The following ACHE variants were observed in gnomAD, a reference collection of about 807,000 sequenced individuals.
ACHE encodes the protein acetylcholinesterase.
In ACHE, 19 loss-of-function variants were observed where a neutral mutation model predicts 53.9. The ratio of observed to expected loss-of-function variants is 0.35; its 90% confidence interval spans 0.25 to 0.52. The LOEUF is 0.52. Ranked by LOEUF, ACHE falls within the 20% of genes least tolerant of loss-of-function variation. The pLI is 0.95. For missense variants in ACHE, 605 were observed against 849.4 expected (o/e 0.71, Z 3.58); for synonymous variants, 392 against 378.1 (o/e 1.04, Z -0.43).
intron 1 of ACHE, among the ~76,000 whole-genome samples, chr7:100,894,595 C>T (rs979203645): frequency 3.7e-5 from 4 of 109,474 alleles, no homozygotes; most frequent in Admixed American, 2.9e-4. Context: ...AGCCTCAGTC[C>T]ACGAACAGGC....
In ACHE at chr7:100,890,694, T is replaced by TC. The variant is rs1297651496; in HGVS notation, c.1724-360dup. On this transcript the variant is annotated intron_variant, in intron 4 of 4. Coordinates refer to ENST00000241069, the MANE Select transcript of ACHE (RefSeq NM_000665.5). The stretch of plus-strand genomic sequence containing the variant: ...GCTACCCCGTCCGGGGCCTCCCACT[T>TC]CCCCCCAATGTCAGGCTCAGGTTCC... 2.3e-6 allele frequency: 3 copies of TC among 1,316,012 alleles called. No individual in the cohort carries two copies. In the African/African-American group the frequency reaches 4.5e-5, roughly 20 times the overall value. 81.5% of individuals were successfully genotyped at this position (1,316,012 alleles called of 1,614,324 possible).
intron 4 of ACHE, 182 bp downstream of exon 4, chr7:100,890,984 AGAG>A (rs772244054): frequency 1.8e-5 from 27 of 1,460,748 alleles, no homozygotes; most frequent in African/African-American, 2.8e-5. Flanking sequence ...TGGGAGAGGA[AGAG>A]GAGGAGAAGC....
In ACHE at chr7:100,892,224, ATCCTGCCCCTG is replaced by A; in HGVS notation, c.1553+99_1553+109del. On this transcript the variant is annotated intron_variant, in intron 3 of 4. Coordinates refer to ENST00000241069, the MANE Select transcript of ACHE (RefSeq NM_000665.5). This position sits in a 1 kb window ranked among gnomAD's most constrained non-coding sequence, Gnocchi z 5.2. ...GAGCATATCCCTCTCTGGCTGTTCT[ATCCTGCCCCTG>A]TCCCACCCGTCCTTTCTGTCTCCGT... is the stretch of plus-strand genomic sequence containing the variant. 3 of 1,363,082 alleles carry A rather than the reference ATCCTGCCCCTG, an allele frequency of 2.2e-6. No individual in the cohort carries two copies. The highest frequency in any genetic ancestry group is 2.9e-6 in the Non-Finnish European group (3 of 1,041,206). 84.4% of individuals were successfully genotyped at this position (1,363,082 alleles called of 1,614,324 possible).
Position 100,891,675 on chromosome 7 carries a change from C to T in ACHE, c.1554-337G>A, listed in dbSNP as rs564416739. 3.3e-5 allele frequency among the ~76,000 whole-genome samples: 5 copies of T among 152,250 alleles called. No individual in the cohort carries two copies. In the South Asian group the frequency reaches 8.3e-4, roughly 25 times the overall value. ...CCATCCAATGCTAGATTTCATTGTC[C>T]TCTTCTCGATCCAGGTAAACTGGTG... On this transcript the variant is annotated intron_variant, in intron 3 of 4. Coordinates refer to ENST00000241069, the MANE Select transcript of ACHE (RefSeq NM_000665.5).
In ACHE at chr7:100,892,203, A is replaced by C; in HGVS notation, c.1553+131T>G. 2.6e-6 allele frequency: 3 copies of C among 1,165,436 alleles called. No individual in the cohort carries two copies. Among genetic ancestry groups the C allele is most frequent in the Non-Finnish European group, 2.2e-6 (2 of 891,836 alleles). 72.2% of individuals were successfully genotyped at this position (1,165,436 alleles called of 1,614,324 possible). Reference sequence around the variant, plus strand: ...CTCCCCTTTTATCTACTTTGTGAGCATATCCCTCTCTGGCTGTTCTATCCT... The same window carrying C: ...CTCCCCTTTTATCTACTTTGTGAGCCTATCCCTCTCTGGCTGTTCTATCCT... On this transcript the variant is annotated intron_variant, in intron 3 of 4. Coordinates refer to ENST00000241069, the MANE Select transcript of ACHE (RefSeq NM_000665.5). The surrounding 1 kb of genome is among the most constrained non-coding windows in gnomAD (Gnocchi z 5.2).
chr7:100,890,162 A>G lies in ACHE; in HGVS notation c.*52T>C. The G allele has an allele frequency of 6.2e-7, 1 of 1,606,952 alleles. No homozygotes were observed. Among genetic ancestry groups the G allele is most frequent in the Non-Finnish European group, 8.5e-7 (1 of 1,175,058 alleles). On this transcript the variant is annotated 3_prime_UTR_variant, in exon 5 of 5. Coordinates refer to ENST00000241069, the MANE Select transcript of ACHE (RefSeq NM_000665.5). ...ATAGCCCAGCCCTGAAATAAATAGT[A>G]TATACAGCTAGGGGGCCGGGCGGAG...
chr7:100,893,600 C>T lies in ACHE; in HGVS notation c.633G>A (p.Leu211=). Residue 211 remains leucine (L), a synonymous_variant, in exon 2 of 5, where the codon CTG becomes CTA. Coordinates refer to ENST00000241069, the MANE Select transcript of ACHE (RefSeq NM_000665.5). ...CTGCCACGTTCTCCTGCACCCACTG[C>T]AGGGCCAGCCTCTGATCCAGGAGAC... ...NVGLLDQRLA[L]QWVQENVAAF... 1 of 1,612,762 alleles carries T rather than the reference C, an allele frequency of 6.2e-7. No individual in the cohort carries two copies. The highest frequency in any genetic ancestry group is 8.5e-7 in the Non-Finnish European group (1 of 1,180,026).
intron 1 of ACHE, 115 bp from the exon 2 acceptor site, chr7:100,894,367 G>A (rs900615334): frequency 1.5e-6 from 1 of 673,624 alleles, no homozygotes; most frequent in Non-Finnish European, 2.2e-6. Context: ...GGTGGGGCAG[G>A]TTGGCAAAGA....
In ACHE at chr7:100,892,285, G is replaced by A. The variant is rs377100607; in HGVS notation, c.1553+49C>T. 2.5e-5 allele frequency: 37 copies of A among 1,465,750 alleles called. No homozygotes were observed. The highest frequency in any genetic ancestry group is 1.6e-4 in the South Asian group (10 of 64,242). 90.8% of individuals were successfully genotyped at this position (1,465,750 alleles called of 1,614,324 possible). A position where few individuals can be genotyped will look rare whatever the true frequency, so the allele number is the denominator to read the frequency against. ...TGTGTCTGCCTTTGTGTGTCCTCCC[G>A]CCCCCGACTCCTGTCCTCCCCAGCC... On this transcript the variant is annotated intron_variant, in intron 3 of 4. Coordinates refer to ENST00000241069, the MANE Select transcript of ACHE (RefSeq NM_000665.5). This position sits in a 1 kb window ranked among gnomAD's most constrained non-coding sequence, Gnocchi z 5.2.
chr7:100,891,029 C>T (rs1478997126), intron 4 of ACHE, 140 bp downstream of exon 4: 10 of 1,454,262 alleles, frequency 6.9e-6, no homozygotes, highest in Non-Finnish European at 8.2e-6. Flanking sequence ...AGGGGGAGGC[C>T]GGGCCTCGGA....
rs1217560470 is a variant in ACHE at position 100,892,360 on chromosome 7, T to C, written c.1527A>G (p.Arg509=). 6.6e-7 allele frequency: 1 copy of C among 1,516,966 alleles called. No individual in the cohort carries two copies. The highest frequency in any genetic ancestry group is 8.8e-7 in the Non-Finnish European group (1 of 1,130,066). The allele number at this position is 1,516,966 out of a possible 1,614,324, so 94.0% of individuals were successfully genotyped here. A position where few individuals can be genotyped will look rare whatever the true frequency, so the allele number is the denominator to read the frequency against. The change falls in exon 3 of 5, where the codon CGA becomes CGG. Residue 509 remains arginine (R), a synonymous_variant. Coordinates refer to ENST00000241069, the MANE Select transcript of ACHE (RefSeq NM_000665.5). The surrounding 1 kb of genome is among the most constrained non-coding windows in gnomAD (Gnocchi z 5.2). ...EEKIFAQRLM[R]YWANFARTGD... The stretch of plus-strand genomic sequence containing the variant: ...CTGTGCGGGCAAAGTTGGCCCAGTA[T>C]CGCATCAGTCGCTGGGCGAAGATTT...
rs573208347 is a variant in ACHE at position 100,892,852 on chromosome 7, G to A, written c.1069-34C>T. 40 of 1,514,928 alleles carry A rather than the reference G, an allele frequency of 2.6e-5. No individual in the cohort carries two copies. The highest frequency in any genetic ancestry group is 2.5e-4 in the South Asian group (20 of 80,610). The allele number at this position is 1,514,928 out of a possible 1,614,324, so 93.8% of individuals were successfully genotyped here. A position where few individuals can be genotyped will look rare whatever the true frequency, so the allele number is the denominator to read the frequency against. On this transcript the variant is annotated intron_variant, in intron 2 of 4. Transcript: ENST00000241069. The surrounding 1 kb of genome is among the most constrained non-coding windows in gnomAD (Gnocchi z 5.2). Reference sequence around the variant, plus strand: ...GAGGGAGAGGGGGGTGGGATGGAGCGACAGGCACAGACAGACAAGTAGACA... The same window carrying A: ...GAGGGAGAGGGGGGTGGGATGGAGCAACAGGCACAGACAGACAAGTAGACA...
chr7:100,894,994 G>A (rs111337429), intron 1 of ACHE, among the ~76,000 whole-genome samples: 3 of 152,110 alleles, frequency 2.0e-5, no homozygotes, highest in Non-Finnish European at 4.4e-5. Context: ...AAAGGTCGGC[G>A]CTCCCCGCCC....
chr7:100,893,510 G>A lies in ACHE; in HGVS notation c.723C>T (p.Gly241=). Residue 241 remains glycine (G), a synonymous_variant, in exon 2 of 5, where the codon GGC becomes GGT. Coordinates refer to ENST00000241069, the MANE Select transcript of ACHE (RefSeq NM_000665.5). ...GGCTGGGCGGGGACAGCAGGTGCAT[G>A]CCCACCGAGGCGGCTCCCGCGCTCT... ...FGESAGAASV[G]MHLLSPPSRG... is the part of the protein sequence containing the mutation. 5 of 1,608,442 alleles carry A rather than the reference G, an allele frequency of 3.1e-6. No individual in the cohort carries two copies. In the South Asian group the frequency reaches 4.4e-5, roughly 14 times the overall value.
intron 4 of ACHE, chr7:100,890,695 C>A: frequency 2.3e-6 from 3 of 1,322,792 alleles, no homozygotes; most frequent in Non-Finnish European, 1.9e-6. Context: ...CCTCCCACTT[C>A]CCCCCAATGT....
rs1477877884 is a variant in ACHE, at chr7:100,892,154, C to A, written c.1553+180G>T. 6.6e-6 allele frequency among the ~76,000 whole-genome samples: 1 copy of A among 151,860 alleles called. No individual in the cohort carries two copies. Among genetic ancestry groups the A allele is most frequent in the East Asian group, 1.9e-4 (1 of 5,170 alleles). ...TCTGTCTCTGCAAGACCCCCTCTGCCTTCTCTGTCTCCTTTCTTTTTCTCT... is the reference window on the plus strand; with the variant it reads ...TCTGTCTCTGCAAGACCCCCTCTGCATTCTCTGTCTCCTTTCTTTTTCTCT... On this transcript the variant is annotated intron_variant, in intron 3 of 4. Coordinates refer to ENST00000241069, the MANE Select transcript of ACHE (RefSeq NM_000665.5). The surrounding 1 kb of genome is among the most constrained non-coding windows in gnomAD (Gnocchi z 5.2).
intron 4 of ACHE, 80 bp downstream of exon 4, chr7:100,891,089 C>T: frequency 4.6e-6 from 7 of 1,535,930 alleles, no homozygotes; most frequent in South Asian, 1.2e-5. Context: ...GCCTCCGAGG[C>T]TAGGGGGAGA....
intron 1 of ACHE, 72 bp from the exon 2 acceptor site, chr7:100,894,324 T>G (rs1790909097): frequency 1.8e-6 from 2 of 1,137,686 alleles, no homozygotes; most frequent in South Asian, 2.0e-5. Context: ...TAGGGCACTG[T>G]CGGCCCAAGG....
At position 100,891,231 on chromosome 7, in the gene ACHE, C is replaced by T; in HGVS notation, c.1661G>A (p.Gly554Glu). Residue 554 changes from glycine to glutamate, a missense_variant, in exon 4 of 5, where the codon GGG (glycine) becomes GAG (glutamate). Physicochemically the swap from Gly to Glu is moderately conservative, Grantham distance 98. This residue lies in a region of ACHE where 91 missense variants were observed against 83.2 expected (regional missense o/e 1.09). Coordinates refer to ENST00000241069, the MANE Select transcript of ACHE (RefSeq NM_000665.5). ...LDLRPLEVRRGLRAQACAFWN... is the reference protein window; with the variant it reads ...LDLRPLEVRRELRAQACAFWN... ...GAAGGCGCAGGCCTGGGCGCGCAGC[C>T]CCCGCCGCACCTCCAGCGGCCGCAG... 6.2e-7 allele frequency: 1 copy of T among 1,611,320 alleles called. No individual in the cohort carries two copies. The highest frequency in any genetic ancestry group is 8.5e-7 in the Non-Finnish European group (1 of 1,179,570).
Sources: gnomAD v4.1 joint callset for allele counts (sites outside exome capture counted in the v4.1 genomes callset) on GRCh38, gnomAD v4.1.1 for gene constraint, gnomAD v4.1.1 regional missense constraint, Gnocchi (gnomAD v3.1) non-coding constraint, MANE v1.5 for transcripts, NCBI Gene and HGNC (gene_info 2026-07-23, HGNC 2026-07-21) for gene names.